The following WDR5 variants were observed in gnomAD, a reference collection of about 807,000 sequenced individuals.
WDR5 encodes the protein WD repeat-containing protein 5.
For missense variants in WDR5, 187 were observed against 416.9 expected (o/e 0.45, Z 4.80); for synonymous variants, 144 against 161.6 (o/e 0.89, Z 0.83).
chr9:134,144,715 G>A (rs901572165), intron 7 of WDR5, among the ~76,000 whole-genome samples: 3 of 152,040 alleles, frequency 2.0e-5, no homozygotes, highest in African/African-American at 4.8e-5. Flanking sequence ...TGATGCGCAC[G>A]TGTGGTCCCA....
chr9:134,137,902 C>T (rs1482386210), intron 1 of WDR5, among the ~76,000 whole-genome samples: 1 of 152,010 alleles, frequency 6.6e-6, no homozygotes, highest in African/African-American at 2.4e-5. Context: ...ACCACCACAC[C>T]CGGCTAATTT....
rs1350911221 is a variant in WDR5, at chr9:134,140,810, A to G, written c.189A>G (p.Ser63=). The change falls in exon 3 of 14, where the codon TCA becomes TCG. Residue 63 remains serine, a splice_region_variant and synonymous_variant. Coordinates refer to ENST00000358625, the MANE Select transcript of WDR5 (RefSeq NM_017588.3). The stretch of plus-strand genomic sequence containing the variant: ...CGAATGGAGAGTGGCTGGCAAGTTC[A>G]TGTACGTAGCACTGAGGCCCTTAGC... The part of the protein sequence containing the change: ...FSPNGEWLAS[S]SADKLIKIWG... 11 of 1,613,662 alleles carry G rather than the reference A, an allele frequency of 6.8e-6. No individual in the cohort carries two copies. The highest frequency in any genetic ancestry group is 5.0e-5 in the Admixed American group (3 of 59,996).
rs1207638016 is a variant in WDR5 at position 134,159,765 on chromosome 9, C to T, written c.*1772C>T. 1 of 152,172 alleles carries T rather than the reference C, an allele frequency of 6.6e-6. No homozygotes were observed. The highest frequency in any genetic ancestry group is 1.9e-4 in the East Asian group (1 of 5,186). The allele number at this position is 152,172 out of a possible 1,614,324, so 9.4% of individuals were successfully genotyped here. A position where few individuals can be genotyped will look rare whatever the true frequency, so the allele number is the denominator to read the frequency against. On this transcript the variant is annotated 3_prime_UTR_variant, in exon 14 of 14. Coordinates refer to ENST00000358625, the MANE Select transcript of WDR5 (RefSeq NM_017588.3). This position sits in a 1 kb window ranked among gnomAD's most constrained non-coding sequence, Gnocchi z 4.3. ...GACACGGGGAGCTCCGCGTGCCAGC[C>T]TGTGGCTGCCCTGCTGTGGGGGTCC...
intron 1 of WDR5, among the ~76,000 whole-genome samples, chr9:134,136,404 C>T (rs1831556312): frequency 6.6e-6 from 1 of 151,602 alleles, no homozygotes; most frequent in Admixed American, 6.6e-5. Flanking sequence ...GCAGTTCCCT[C>T]CACCCGGTCC....
Position 134,142,464 on chromosome 9 carries a change from G to A in WDR5, c.444+42G>A, listed in dbSNP as rs371196252. ...TGTCTTCCCTGGGGGAGGTGGTGTC[G>A]GATGTGGGAAGGCTGTTGAATTTGC... is the stretch of plus-strand genomic sequence containing the variant. On this transcript the variant is annotated intron_variant, in intron 6 of 13. Coordinates refer to ENST00000358625, the MANE Select transcript of WDR5 (RefSeq NM_017588.3). 14 of 1,605,894 alleles carry A rather than the reference G, an allele frequency of 8.7e-6. No individual in the cohort carries two copies. In the African/African-American group the frequency reaches 1.6e-4, roughly 18 times the overall value.
At chr9:134,142,131 C>G in intron 5 of WDR5, 93 bp downstream of exon 5, 1 of 1,177,326 alleles carries the variant, frequency 8.5e-7, no homozygotes, top group Non-Finnish European at 1.2e-6. Flanking sequence ...GTAAGCAACA[C>G]TCAGCGCTCC....
At chr9:134,140,251 C>T (rs28564554) in intron 2 of WDR5, among the ~76,000 whole-genome samples, 18,416 of 152,206 alleles carry the variant, frequency 0.12, 1,458 homozygotes, top group East Asian at 0.23. Flanking sequence ...ACCCTGGCTG[C>T]GATCCTGACG....
chr9:134,143,762 G>A (rs369609921), intron 7 of WDR5, among the ~76,000 whole-genome samples: 46 of 150,914 alleles, frequency 3.0e-4, no homozygotes, highest in African/African-American at 9.5e-4. Flanking sequence ...TGATCCTCCC[G>A]CCTTGGCCTC....
intron 7 of WDR5, among the ~76,000 whole-genome samples, chr9:134,144,276 G>A (rs1377482715): frequency 4.6e-5 from 7 of 152,236 alleles, no homozygotes; most frequent in African/African-American, 1.4e-4. Flanking sequence ...GCTTGTGGCT[G>A]TGTGCTTGCG....
chr9:134,141,723 C>A, intron 4 of WDR5, 140 bp downstream of exon 4: 1 of 998,680 alleles, frequency 1.0e-6, no homozygotes, highest in Non-Finnish European at 1.5e-6. Context: ...TTATTTGCAT[C>A]TTGAACTTTT....
At position 134,157,540 on chromosome 9, in the gene WDR5, T is replaced by G. The variant is rs1011756055; in HGVS notation, c.905-353T>G. The stretch of plus-strand genomic sequence containing the variant: ...GTGAGGGGTCTGACTGCAGTCCTTG[T>G]GCGCGCCAGCCTCTGAGCCAGTCCT... On this transcript the variant is annotated intron_variant, in intron 13 of 13. Transcript: ENST00000358625. This position sits in a 1 kb window ranked among gnomAD's most constrained non-coding sequence, Gnocchi z 5.0. Among the ~76,000 whole-genome samples, 1 of 152,148 alleles carries G rather than the reference T, an allele frequency of 6.6e-6. No individual in the cohort carries two copies. Among genetic ancestry groups the G allele is most frequent in the African/African-American group, 2.4e-5 (1 of 41,444 alleles).
At chr9:134,151,696 T>G (rs1832494765) in intron 8 of WDR5, among the ~76,000 whole-genome samples, 1 of 152,098 alleles carries the variant, frequency 6.6e-6, no homozygotes, top group East Asian at 1.9e-4. Flanking sequence ...GCAACAGGCT[T>G]CCCGCTCTGT....
rs1832860043 is a variant in WDR5, at chr9:134,158,637, C to T, written c.*644C>T. ...GACTCTCCCGTTTGTCTCAGTGTCC[C>T]TGCAACAAGCAGCACCGCAGACTGT... On this transcript the variant is annotated 3_prime_UTR_variant, in exon 14 of 14. Coordinates refer to ENST00000358625, the MANE Select transcript of WDR5 (RefSeq NM_017588.3). 6.6e-6 allele frequency: 1 copy of T among 152,318 alleles called. No individual in the cohort carries two copies. Among genetic ancestry groups the T allele is most frequent in the Admixed American group, 6.5e-5 (1 of 15,288 alleles). 9.4% of individuals were successfully genotyped at this position (152,318 alleles called of 1,614,324 possible). A position where few individuals can be genotyped will look rare whatever the true frequency, so the allele number is the denominator to read the frequency against.
In WDR5 at chr9:134,151,288, C is replaced by T. The variant is rs980921551; in HGVS notation, c.585-695C>T. Among the ~76,000 whole-genome samples, 4 of 152,264 alleles carry T rather than the reference C, an allele frequency of 2.6e-5. No individual in the cohort carries two copies. In the South Asian group the frequency reaches 8.3e-4, roughly 32 times the overall value. ...GTGCAGAGCAGAGAGCTTCGGGGCC[C>T]TCCCAGAGGCGGCTTCTCCATGGGT... On this transcript the variant is annotated intron_variant, in intron 8 of 13. Transcript: ENST00000358625.
In WDR5 at chr9:134,157,574, G is replaced by A. The variant is rs974570389; in HGVS notation, c.905-319G>A. On this transcript the variant is annotated intron_variant, in intron 13 of 13. Transcript: ENST00000358625. The surrounding 1 kb of genome is among the most constrained non-coding windows in gnomAD (Gnocchi z 5.0). ...GCCTCTGAGCCAGTCCTGCTGCCGC[G>A]CTCCTCCTTGTGGGCGCCGAGCTGC... 1.3e-5 allele frequency among the ~76,000 whole-genome samples: 2 copies of A among 152,118 alleles called. No homozygotes were observed. Among genetic ancestry groups the A allele is most frequent in the African/African-American group, 2.4e-5 (1 of 41,446 alleles).
intron 8 of WDR5, among the ~76,000 whole-genome samples, chr9:134,148,602 A>T (rs574464003): frequency 8.5e-5 from 13 of 152,198 alleles, no homozygotes; most frequent in African/African-American, 2.4e-4. Context: ...CCTCCATCAG[A>T]CTTCAGCTCC....
chr9:134,139,621 G>GC (rs756634672), intron 1 of WDR5, among the ~76,000 whole-genome samples, 199 bp from the exon 2 acceptor site: 9 of 152,234 alleles, frequency 5.9e-5, no homozygotes, highest in Non-Finnish European at 1.0e-4. Context: ...AGGGGAGAGC[G>GC]CAGGGGTGTC....
intron 9 of WDR5, among the ~76,000 whole-genome samples, chr9:134,154,182 C>A (rs1159065840): frequency 6.6e-6 from 1 of 152,206 alleles, no homozygotes; most frequent in Non-Finnish European, 1.5e-5. Flanking sequence ...GCAGGTGATT[C>A]CTGAGAGTGC....
chr9:134,151,306 C>T (rs771478065), intron 8 of WDR5, among the ~76,000 whole-genome samples: 2 of 152,132 alleles, frequency 1.3e-5, no homozygotes, highest in Non-Finnish European at 2.9e-5. Flanking sequence ...GGCGGCTTCT[C>T]CATGGGTGAG....
Sources: allele counts gnomAD v4.1 joint callset (sites outside exome capture counted in the v4.1 genomes callset), GRCh38; gene constraint gnomAD v4.1.1; non-coding constraint Gnocchi (gnomAD v3.1); transcripts MANE v1.5; gene names NCBI Gene and HGNC (gene_info 2026-07-23, HGNC 2026-07-21).